TRIM2: variants seen among roughly 807,000 people sequenced by gnomAD.
TRIM2 encodes tripartite motif containing 2.
A neutral mutation model predicts 75.2 loss-of-function variants in TRIM2; 20 were observed. The observed-to-expected ratio is 0.27, with a 90% CI of 0.19 to 0.39. The LOEUF (loss-of-function observed/expected upper bound fraction) is 0.39, where lower values mean the gene tolerates loss of function less well. TRIM2 is among the 10% of genes least tolerant of loss of function. The pLI, the probability that TRIM2 is intolerant of heterozygous loss-of-function variation, is 1.00. For synonymous variants in TRIM2, 373 were observed against 388.3 expected (o/e 0.96, Z 0.46); for missense variants, 660 against 990.8 (o/e 0.67, Z 4.48).
chr4:153,207,461 T>C (rs1362032725), intron 1 of TRIM2, among the ~76,000 whole-genome samples: 1 of 152,242 alleles, frequency 6.6e-6, no homozygotes, highest in Non-Finnish European at 1.5e-5. Context: ...TCTGTATTCC[T>C]TCAGCCAAAT....
rs1303958418 is a variant in TRIM2, at chr4:153,336,516, G to T, written c.*1550G>T. Reference sequence around the variant, plus strand: ...CATTGGTACTGTAAAATAAGCTGTGGTCTATTTCCACTGTTTAATTTTCTA... The same window carrying T: ...CATTGGTACTGTAAAATAAGCTGTGTTCTATTTCCACTGTTTAATTTTCTA... On this transcript the variant is annotated 3_prime_UTR_variant, in exon 12 of 12. Coordinates refer to ENST00000338700, the MANE Select transcript of TRIM2 (RefSeq NM_015271.5). The T allele has an allele frequency of 4.1e-6, 4 of 985,612 alleles. No individual in the cohort carries two copies. The highest frequency in any genetic ancestry group is 4.8e-6 in the Non-Finnish European group (4 of 829,906). 61.1% of individuals were successfully genotyped at this position (985,612 alleles called of 1,614,324 possible).
Position 153,334,963 on chromosome 4 carries a change from G to T in TRIM2, c.2313G>T (p.Gln771His). Residue 771 changes from glutamine (Q) to histidine (H), a missense_variant, in exon 12 of 12, where the codon CAG becomes CAT. By Grantham distance (24) the Gln-to-His change is conservative. Around this residue, in one of 2 missense-constraint regions of TRIM2, gnomAD observed 40 missense variants for 99.8 expected, o/e 0.40. Coordinates refer to ENST00000338700, the MANE Select transcript of TRIM2 (RefSeq NM_015271.5). ...NHCFKVYRYL[Q>H] ...GTTTCAAAGTCTATCGATACTTACA[G>T]TAATGGTGGGCAGGTGGATACCCGC... 1 of 1,612,018 alleles carries T rather than the reference G, an allele frequency of 6.2e-7. No individual in the cohort carries two copies. The highest frequency in any genetic ancestry group is 8.5e-7 in the Non-Finnish European group (1 of 1,178,712).
Position 153,336,678 on chromosome 4 carries a change from T to G in TRIM2, c.*1712T>G, listed in dbSNP as rs151238468. ...ATAATTATATGAATGTGATGTTTATTGCTTATTAATTTATAATTCAGTCAT... is the reference window on the plus strand; with the variant it reads ...ATAATTATATGAATGTGATGTTTATGGCTTATTAATTTATAATTCAGTCAT... On this transcript the variant is annotated 3_prime_UTR_variant, in exon 12 of 12. Transcript: ENST00000338700. The G allele has an allele frequency of 3.5e-4, 342 of 985,068 alleles. No individual in the cohort carries two copies. In the African/African-American group the frequency reaches 5.6e-3, roughly 16 times the overall value. 61.0% of individuals were successfully genotyped at this position (985,068 alleles called of 1,614,324 possible).
At chr4:153,252,175 T>G (rs914018097) in intron 1 of TRIM2, among the ~76,000 whole-genome samples, 1 of 152,212 alleles carries the variant, frequency 6.6e-6, no homozygotes, top group African/African-American at 2.4e-5. Context: ...ATGATTGCAT[T>G]AGGCAGCGTT....
intron 6 of TRIM2, among the ~76,000 whole-genome samples, chr4:153,306,038 A>C (rs1372436625): frequency 6.6e-6 from 1 of 151,898 alleles, no homozygotes; most frequent in Non-Finnish European, 1.5e-5. Context: ...AGAAGGCTGG[A>C]GAATCGCTCG....
At chr4:153,333,142 C>T (rs1180170843) in intron 11 of TRIM2, among the ~76,000 whole-genome samples, 8 of 152,022 alleles carry the variant, frequency 5.3e-5, no homozygotes, top group Admixed American at 1.3e-4. Flanking sequence ...GGCATTAAAA[C>T]GGAACAGACT....
intron 1 of TRIM2, among the ~76,000 whole-genome samples, chr4:153,216,180 C>T (rs183763721): frequency 4.6e-5 from 7 of 152,212 alleles, no homozygotes; most frequent in African/African-American, 1.7e-4. Context: ...GTAATGTGAC[C>T]TGGAGCCTCT....
chr4:153,152,402 A>ATG (rs34096875), upstream of TRIM2: 6 of 140,594 alleles, frequency 4.3e-5, no homozygotes, highest in African/African-American at 1.4e-4. Flanking sequence ...ACATATATAT[A>ATG]TGTGTGTATA....
intron 2 of TRIM2, among the ~76,000 whole-genome samples, chr4:153,273,030 G>A (rs1757101517): frequency 6.6e-6 from 1 of 151,660 alleles, no homozygotes; most frequent in Admixed American, 6.6e-5. Context: ...GTAGAGACGG[G>A]GTTTCGCCAT....
intron 1 of TRIM2, among the ~76,000 whole-genome samples, chr4:153,234,950 C>A (rs1289461186): frequency 6.6e-6 from 1 of 152,198 alleles, no homozygotes; most frequent in Non-Finnish European, 1.5e-5. Context: ...CCCTGTCCCA[C>A]CCTCGAGCAC....
chr4:153,250,077 A>G (rs1265858260), intron 1 of TRIM2, among the ~76,000 whole-genome samples: 2 of 150,954 alleles, frequency 1.3e-5, no homozygotes. Flanking sequence ...TTTAATAATC[A>G]GTGCATGGCA....
At chr4:153,257,635 A>AT (rs1484178880) in intron 1 of TRIM2, 1 of 1,262,430 alleles carries the variant, frequency 7.9e-7, no homozygotes, top group Admixed American at 2.3e-5. Flanking sequence ...GTCTCTTTGC[A>AT]TGGTGCTTCC....
At position 153,322,869 on chromosome 4, in the gene TRIM2, A is replaced by G. The variant is rs970377161; in HGVS notation, c.1951+53A>G. ...CCTTTTTTATGCTTCTTCTGCTCAC[A>G]TTTGCATGATGTTGGAGCATGTTGA... On this transcript the variant is annotated intron_variant, in intron 9 of 11. Coordinates refer to ENST00000338700, the MANE Select transcript of TRIM2 (RefSeq NM_015271.5). The G allele has an allele frequency of 1.2e-5, 20 of 1,603,496 alleles. No individual in the cohort carries two copies. In the African/African-American group the frequency reaches 1.7e-4, roughly 14 times the overall value.
At chr4:153,152,244 C>T (rs1728796015), upstream of TRIM2, 1 of 152,110 alleles carries the variant, frequency 6.6e-6, no homozygotes, top group South Asian at 2.1e-4. Flanking sequence ...AGAACAGGCT[C>T]TCCGGAGTTT....
At chr4:153,292,637 T>A (rs1342144345) in intron 3 of TRIM2, among the ~76,000 whole-genome samples, 2 of 152,218 alleles carry the variant, frequency 1.3e-5, no homozygotes, top group African/African-American at 2.4e-5. Context: ...ATAACCCACA[T>A]ACACGAAAGC....
At chr4:153,189,892 T>TGG (rs1733008282) in intron 1 of TRIM2, among the ~76,000 whole-genome samples, 1 of 152,184 alleles carries the variant, frequency 6.6e-6, no homozygotes, top group Non-Finnish European at 1.5e-5. Flanking sequence ...TGAATTGAAG[T>TGG]GGGGTGTAGA....
At chr4:153,286,446 A>G (rs1001098457) in intron 3 of TRIM2, among the ~76,000 whole-genome samples, 1 of 152,140 alleles carries the variant, frequency 6.6e-6, no homozygotes, top group Non-Finnish European at 1.5e-5. Flanking sequence ...CAGTGAAGCC[A>G]TCTGGTCCTG....
intron 10 of TRIM2, among the ~76,000 whole-genome samples, chr4:153,325,028 TG>T (rs763191176): frequency 2.6e-5 from 4 of 152,232 alleles, no homozygotes; most frequent in Non-Finnish European, 4.4e-5. Context: ...CAGCAGAGGA[TG>T]GTATGCCAGT....
intron 1 of TRIM2, among the ~76,000 whole-genome samples, chr4:153,244,488 T>C (rs564384946): frequency 2.4e-4 from 36 of 147,862 alleles, no homozygotes; most frequent in African/African-American, 8.7e-4. Context: ...CTTGAACTCC[T>C]GGGCTCAAGC....
Sources: gnomAD v4.1 joint callset for allele counts (sites outside exome capture counted in the v4.1 genomes callset) on GRCh38, gnomAD v4.1.1 for gene constraint, gnomAD v4.1.1 regional missense constraint, MANE v1.5 for transcripts, NCBI Gene and HGNC (gene_info 2026-07-23, HGNC 2026-07-21) for gene names.